The following UMODL1 variants were observed in gnomAD, a reference collection of about 807,000 sequenced individuals.
UMODL1 encodes the protein uromodulin like 1, also known as uromodulin-like 1.
UMODL1 carries 128 observed loss-of-function variants against 136.3 expected under a neutral mutation model. The observed-to-expected ratio is 0.94, with a 90% confidence interval of 0.81 to 1.09. The LOEUF (loss-of-function observed/expected upper bound fraction) is 1.09, where lower values mean the gene tolerates loss of function less well. Among genes scored for constraint, UMODL1 ranks in the 50% least tolerant of loss-of-function variants. The probability of loss-of-function intolerance (pLI) is 0.00; values close to 1 mark genes in which losing one functional copy is unlikely to be tolerated. For synonymous variants in UMODL1, 721 were observed against 720.0 expected, an observed-to-expected ratio of 1.00 and a Z score of -0.02; for missense variants, 1,766 against 1,725.6, an observed-to-expected ratio of 1.02 and a Z score of -0.41.
Position 42,119,254 on chromosome 21 carries a change from AG to A in UMODL1, c.2620del (p.Ala874LeufsTer15). ...IADVDVQEVS[A>X]AFLTAFQTVP... ...CAGATGTGGATGTCCAGGAGGTGTC[AG>A]CTGCATTTCTCACCGCCTTCCAGAC... is the stretch of plus-strand genomic sequence containing the variant. On this transcript the variant is annotated frameshift_variant, in exon 15 of 23. Transcript: ENST00000408910. LOFTEE classifies it high-confidence loss of function. 6.2e-7 allele frequency: 1 copy of A among 1,614,224 alleles called. No homozygotes were observed. Among genetic ancestry groups the A allele is most frequent in the Middle Eastern group, 1.6e-4 (1 of 6,062 alleles).
chr21:42,075,048 A>G (rs2066272507), intron 1 of UMODL1, among the ~76,000 whole-genome samples: 1 of 151,336 alleles, frequency 6.6e-6, no homozygotes, highest in South Asian at 2.1e-4. Context: ...ACAGGCGCCC[A>G]CCGCCACTCC....
chr21:42,085,536 A>G lies in UMODL1; in HGVS notation c.603+124A>G, dbSNP rs886655669. ...GGTGATGTTCCCCAAATGGCCCCAA[A>G]TGACTGACTCTGAACGAAATTCTAG... On this transcript the variant is annotated intron_variant, in intron 4 of 22. Coordinates refer to ENST00000408910, the MANE Select transcript of UMODL1 (RefSeq NM_001004416.3). The surrounding 1 kb of genome is among the most constrained non-coding windows in gnomAD (Gnocchi z 4.5). 1 of 1,467,446 alleles carries G rather than the reference A, an allele frequency of 6.8e-7. No individual in the cohort carries two copies. The highest frequency in any genetic ancestry group is 2.3e-5 in the East Asian group (1 of 43,768). The allele number at this position is 1,467,446 out of a possible 1,614,324, so 90.9% of individuals were successfully genotyped here.
intron 21 of UMODL1, among the ~76,000 whole-genome samples, chr21:42,133,886 G>GTTTTTTGTTT (rs1555934283): frequency 2.5e-5 from 2 of 79,762 alleles, no homozygotes; most frequent in Non-Finnish European, 7.2e-5. Flanking sequence ...CAATATATCT[G>GTTTTTTGTTT]TTTTTTGTTT....
chr21:42,104,149 CTTTA>C, intron 9 of UMODL1, 62 bp downstream of exon 9: 1 of 1,496,768 alleles, frequency 6.7e-7, no homozygotes. Flanking sequence ...CTCTTGGTGA[CTTTA>C]TTTGAGTCAG....
chr21:42,075,249 G>GA (rs1555917902), intron 1 of UMODL1, among the ~76,000 whole-genome samples: 1 of 151,808 alleles, frequency 6.6e-6, no homozygotes, highest in Non-Finnish European at 1.5e-5. Flanking sequence ...GATGGGGGGG[G>GA]GGTTTCACCA....
In UMODL1 at chr21:42,111,534, C is replaced by G. The variant is rs776576589; in HGVS notation, c.1928C>G (p.Pro643Arg). The G allele has an allele frequency of 1.2e-6, 2 of 1,614,070 alleles. No individual in the cohort carries two copies. ...ELQGNSIMEP[P>R]SWPSPTEDPT... ...CAGGGAAACTCCATCATGGAGCCACCCTCCTGGCCTTCCCCTACTGAGGAC... is the reference window on the plus strand; with the variant it reads ...CAGGGAAACTCCATCATGGAGCCACGCTCCTGGCCTTCCCCTACTGAGGAC... The change falls in exon 12 of 23, where the codon CCC (proline) becomes CGC (arginine). Residue 643 changes from proline to arginine, a missense_variant. Physicochemically the swap from Pro to Arg is moderately radical, Grantham distance 103. Transcript: ENST00000408910.
At chr21:42,103,139 C>T (rs2146479924) in intron 8 of UMODL1, 1 of 167,246 alleles carries the variant, frequency 6.0e-6, no homozygotes, top group South Asian at 1.5e-4. Context: ...CAATATCTCT[C>T]CCTCCCAAGG....
rs2067076644 is a variant in UMODL1 at position 42,127,607 on chromosome 21, T to C, written c.3531-65T>C. ...TCGTCAGATGTAGTCGTGAGTAAAC[T>C]CATCTGAGAACAAGGACAGCGGGGC... On this transcript the variant is annotated intron_variant, in intron 19 of 22. Coordinates refer to ENST00000408910, the MANE Select transcript of UMODL1 (RefSeq NM_001004416.3). The C allele has an allele frequency of 3.3e-6, 5 of 1,521,042 alleles. No individual in the cohort carries two copies. In the East Asian group the frequency reaches 9.2e-5, roughly 28 times the overall value. The allele number at this position is 1,521,042 out of a possible 1,614,324, so 94.2% of individuals were successfully genotyped here.
chr21:42,118,781 T>G (rs1468138866), intron 14 of UMODL1, among the ~76,000 whole-genome samples: 1 of 152,184 alleles, frequency 6.6e-6, no homozygotes, highest in Non-Finnish European at 1.5e-5. Context: ...GAAGCCCTTG[T>G]GAGCCCCCAG....
chr21:42,125,454 G>A (rs1384426750), intron 17 of UMODL1, among the ~76,000 whole-genome samples: 11 of 152,252 alleles, frequency 7.2e-5, no homozygotes, highest in African/African-American at 2.2e-4. Flanking sequence ...CCGCCCCCTC[G>A]GGGGCTCTTC....
intron 22 of UMODL1, among the ~76,000 whole-genome samples, chr21:42,139,965 C>T (rs2067257617): frequency 6.6e-6 from 1 of 152,192 alleles, no homozygotes; most frequent in African/African-American, 2.4e-5. Context: ...CCAGCAAGGG[C>T]AGCATGGAGG....
chr21:42,130,628 A>G (rs540344645), intron 21 of UMODL1, among the ~76,000 whole-genome samples: 1 of 151,890 alleles, frequency 6.6e-6, no homozygotes. Context: ...AGTTCTGACC[A>G]ATGACACGTA....
chr21:42,095,355 A>G (rs1436000731), intron 6 of UMODL1, among the ~76,000 whole-genome samples: 4 of 151,956 alleles, frequency 2.6e-5, no homozygotes, highest in African/African-American at 9.7e-5. Flanking sequence ...TTGGCCTCCC[A>G]AAGTTCTGGG....
At position 42,136,351 on chromosome 21, in the gene UMODL1, G is replaced by A. The variant is rs972652358; in HGVS notation, c.3776-1088G>A. Among the ~76,000 whole-genome samples, 4 of 152,156 alleles carry A rather than the reference G, an allele frequency of 2.6e-5. 1 individual carries two copies. The highest frequency in any genetic ancestry group is 6.5e-5 in the Admixed American group (1 of 15,272). ...CCTCACCCTAAATGCAACTTCATACGCATGAGTCCCTCCCCATCCACCTTC... is the reference window on the plus strand; with the variant it reads ...CCTCACCCTAAATGCAACTTCATACACATGAGTCCCTCCCCATCCACCTTC... On this transcript the variant is annotated intron_variant, in intron 21 of 22. Transcript: ENST00000408910.
intron 2 of UMODL1, among the ~76,000 whole-genome samples, chr21:42,082,355 C>G (rs1209721347): frequency 6.6e-6 from 1 of 152,172 alleles, no homozygotes; most frequent in African/African-American, 2.4e-5. Context: ...ACGAGTTTTC[C>G]CCACCCTCGC....
At chr21:42,066,582 C>G (rs2066184718), upstream of UMODL1, among the ~76,000 whole-genome samples, 1 of 152,168 alleles carries the variant, frequency 6.6e-6, no homozygotes, top group Non-Finnish European at 1.5e-5. Flanking sequence ...CCTAGGGAGG[C>G]CAAAAGCCTA....
At chr21:42,084,568 C>T (rs1052965736) in intron 3 of UMODL1, among the ~76,000 whole-genome samples, 2 of 152,120 alleles carry the variant, frequency 1.3e-5, no homozygotes, top group African/African-American at 4.8e-5. Context: ...AGGTGTGGAG[C>T]TGGCTGTGCC....
rs76951194 is a variant in UMODL1 at position 42,082,883 on chromosome 21, A to G, written c.320-1201A>G. Reference sequence around the variant, plus strand: ...CTCCTGACAGCTTCCCTTTGGGTGGATTCTCAGACTCCTGCAGTGCTTTCT... The same window carrying G: ...CTCCTGACAGCTTCCCTTTGGGTGGGTTCTCAGACTCCTGCAGTGCTTTCT... On this transcript the variant is annotated intron_variant, in intron 2 of 22. Coordinates refer to ENST00000408910, the MANE Select transcript of UMODL1 (RefSeq NM_001004416.3). Among the ~76,000 whole-genome samples the G allele has an allele frequency of 5.1e-3, 777 of 151,628 alleles. 7 individuals are homozygous for G. The highest frequency in any genetic ancestry group is 0.018 in the African/African-American group (748 of 41,318).
chr21:42,076,082 C>A lies in UMODL1; in HGVS notation c.154C>A (p.Gln52Lys). The change falls in exon 2 of 23, where the codon CAG becomes AAG. Residue 52 changes from glutamine (Q) to lysine (K), a missense_variant. By Grantham distance (53) the Gln-to-Lys change is moderately conservative (BLOSUM62 1). Coordinates refer to ENST00000408910, the MANE Select transcript of UMODL1 (RefSeq NM_001004416.3). The stretch of plus-strand genomic sequence containing the variant: ...CACTGTACAGAAGGTGGAGGCCGTG[C>A]AGACGTCCTACACGTCCTATGTGTC... Reference protein sequence around the residue: ...THTVQKVEAVQTSYTSYVSCG... With the variant: ...THTVQKVEAVKTSYTSYVSCG... 6.2e-7 allele frequency: 1 copy of A among 1,614,274 alleles called. No homozygotes were observed. The highest frequency in any genetic ancestry group is 8.5e-7 in the Non-Finnish European group (1 of 1,180,050).
Sources: gnomAD v4.1 joint callset for allele counts (sites outside exome capture counted in the v4.1 genomes callset) on GRCh38, gnomAD v4.1.1 for gene constraint, Gnocchi (gnomAD v3.1) non-coding constraint, MANE v1.5 for transcripts, NCBI Gene and HGNC (gene_info 2026-07-23, HGNC 2026-07-21) for gene names.